SPRTN: variants seen among roughly 807,000 people sequenced by gnomAD.
SPRTN encodes DNA-dependent metalloprotease SPRTN.
Under a neutral mutation model 31.9 loss-of-function variants are expected in SPRTN, and 11 were observed. That is an observed-to-expected ratio of 0.34 (90% CI 0.22 to 0.57). SPRTN has a LOEUF of 0.57. Ranked by LOEUF, SPRTN falls within the 20% of genes least tolerant of loss-of-function variation. The pLI, the probability that SPRTN is intolerant of heterozygous loss-of-function variation, is 0.86. For synonymous variants in SPRTN, 185 were observed against 212.1 expected (o/e 0.87, Z 1.11); for missense variants, 482 against 590.1 (o/e 0.82, Z 1.90).
chr1:231,341,067 A>G (rs1558361629), intron 2 of SPRTN, among the ~76,000 whole-genome samples: 1 of 152,084 alleles, frequency 6.6e-6, no homozygotes, highest in Non-Finnish European at 1.5e-5. Flanking sequence ...GAAATACTTG[A>G]TTAATGAAAA....
intron 1 of SPRTN, 73 bp downstream of exon 1, chr1:231,338,677 CT>C: frequency 1.3e-6 from 2 of 1,571,730 alleles, no homozygotes; most frequent in Non-Finnish European, 1.7e-6. Context: ...CTGGTTTTCT[CT>C]CCTTTCTCTA....
In SPRTN at chr1:231,351,033, T is replaced by G. The variant is rs114458223; in HGVS notation, c.451-271T>G. ...CATGAAGATTTTCTGTGGTTTTGTTTTTAAAAGATTTTTTTGTCCTCTAAT... is the reference window on the plus strand; with the variant it reads ...CATGAAGATTTTCTGTGGTTTTGTTGTTAAAAGATTTTTTTGTCCTCTAAT... On this transcript the variant is annotated intron_variant, in intron 3 of 4. Coordinates refer to ENST00000295050, the MANE Select transcript of SPRTN (RefSeq NM_032018.7). Among the ~76,000 whole-genome samples, 492 of 152,134 alleles carry G rather than the reference T, an allele frequency of 3.2e-3. 2 individuals are homozygous for G. The highest frequency in any genetic ancestry group is 0.011 in the African/African-American group (471 of 41,536).
chr1:231,339,686 G>A, intron 1 of SPRTN, 83 bp from the exon 2 acceptor site: 1 of 1,355,688 alleles, frequency 7.4e-7, no homozygotes, highest in Non-Finnish European at 1.1e-6. Context: ...TGCCAACTGA[G>A]TTAGTGTGAA....
Position 231,339,558 on chromosome 1 carries a change from C to T in SPRTN, c.222-211C>T, listed in dbSNP as rs926805077. On this transcript the variant is annotated intron_variant, in intron 1 of 4. Coordinates refer to ENST00000295050, the MANE Select transcript of SPRTN (RefSeq NM_032018.7). ...GTGGTGAGAGCACGCTGCTTTCCTT[C>T]CTTGCCCGGCGGGGATCGGAGCCAT... 3 of 744,046 alleles carry T rather than the reference C, an allele frequency of 4.0e-6. No homozygotes were observed. The Admixed American group carries it at 6.2e-5, about 15-fold the overall frequency. 46.1% of individuals were successfully genotyped at this position (744,046 alleles called of 1,614,324 possible).
rs536759071 is a variant in SPRTN at position 231,342,362 on chromosome 1, A to G, written c.321+2494A>G. 2.8e-4 allele frequency among the ~76,000 whole-genome samples: 43 copies of G among 152,330 alleles called. No homozygotes were observed. The South Asian group carries it at 8.5e-3, about 30-fold the overall frequency. On this transcript the variant is annotated intron_variant, in intron 2 of 4. Transcript: ENST00000295050. ...AAGTTACAAAATGACATTTTCGTCA[A>G]TGACAGGCCCCATATATAACAGTGG...
At chr1:231,339,450 A>T (rs2102859310) in intron 1 of SPRTN, 1 of 564,764 alleles carries the variant, frequency 1.8e-6, no homozygotes, top group South Asian at 1.8e-5. Context: ...TCCGCATCGT[A>T]TTCCACTAGG....
intron 2 of SPRTN, among the ~76,000 whole-genome samples, chr1:231,344,210 C>G (rs557983727): frequency 6.6e-6 from 1 of 152,106 alleles, no homozygotes; most frequent in Non-Finnish European, 1.5e-5. Context: ...GAGTCTTCTT[C>G]GTTGAGCGGC....
In SPRTN at chr1:231,345,449, G is replaced by A. The variant is rs575584230; in HGVS notation, c.322-2348G>A. 7.2e-5 allele frequency among the ~76,000 whole-genome samples: 11 copies of A among 152,184 alleles called. No individual in the cohort carries two copies. The South Asian group carries it at 8.3e-4, about 11-fold the overall frequency. ...AGCCCCCTGTCTTTTTCATTAATAC[G>A]CTCTATAGCTTTCTCCAAACCATTT... On this transcript the variant is annotated intron_variant, in intron 2 of 4. Coordinates refer to ENST00000295050, the MANE Select transcript of SPRTN (RefSeq NM_032018.7).
Position 231,353,018 on chromosome 1 carries a change from A to G in SPRTN, c.1127A>G (p.Lys376Arg), listed in dbSNP as rs776554124. ...TCTCAGAGAAGGGTTTCATCTTCTA[A>G]GATATCCCTAAGAAATTCTTCAAAA... ...SSSQRRVSSS[K>R]ISLRNSSKVT... The change falls in exon 5 of 5, where the codon AAG (lysine) becomes AGG (arginine). Residue 376 changes from lysine (K) to arginine (R), a missense_variant. Around this residue, in one of 2 missense-constraint regions of SPRTN, gnomAD observed 325 missense variants for 350.2 expected, o/e 0.93. Coordinates refer to ENST00000295050, the MANE Select transcript of SPRTN (RefSeq NM_032018.7). 17 of 1,614,060 alleles carry G rather than the reference A, an allele frequency of 1.1e-5. No individual in the cohort carries two copies. In the South Asian group the frequency reaches 1.9e-4, roughly 18 times the overall value.
chr1:231,353,203 A>G lies in SPRTN; in HGVS notation c.1312A>G (p.Thr438Ala). 6.2e-7 allele frequency: 1 copy of G among 1,614,036 alleles called. No homozygotes were observed. The highest frequency in any genetic ancestry group is 1.3e-5 in the African/African-American group (1 of 75,044). Residue 438 changes from threonine to alanine, a missense_variant, in exon 5 of 5, where the codon ACA (threonine) becomes GCA (alanine). Around this residue, in one of 2 missense-constraint regions of SPRTN, gnomAD observed 325 missense variants for 350.2 expected, o/e 0.93. Coordinates refer to ENST00000295050, the MANE Select transcript of SPRTN (RefSeq NM_032018.7). The part of the protein sequence containing the change: ...KSSGNDPKYS[T>A]TTAQNSSSSS... ...CAGTGGTAATGATCCAAAGTATAGTACAACCACAGCTCAGAATTCCAGCAG... is the reference window on the plus strand; with the variant it reads ...CAGTGGTAATGATCCAAAGTATAGTGCAACCACAGCTCAGAATTCCAGCAG...
chr1:231,349,302 C>G (rs900576792), intron 3 of SPRTN, among the ~76,000 whole-genome samples: 8 of 152,084 alleles, frequency 5.3e-5, no homozygotes, highest in African/African-American at 1.2e-4. Flanking sequence ...TATTTTCTAG[C>G]TATCAGTTTT....
intron 2 of SPRTN, among the ~76,000 whole-genome samples, chr1:231,344,073 T>G (rs1402657533): frequency 6.6e-6 from 1 of 152,242 alleles, no homozygotes; most frequent in African/African-American, 2.4e-5. Context: ...CAAGATGTTT[T>G]TTAATGTTTA....
rs749616159 is a variant in SPRTN, at chr1:231,338,373, T to C, written c.-11T>C. The C allele has an allele frequency of 1.2e-6, 2 of 1,613,044 alleles. No individual in the cohort carries two copies. Among genetic ancestry groups the C allele is most frequent in the Non-Finnish European group, 1.7e-6 (2 of 1,179,180 alleles). Reference sequence around the variant, plus strand: ...TGACGCCGGCGGACCCCGCCTGTGATCCTGGCAACGATGGATGATGACTTG... The same window carrying C: ...TGACGCCGGCGGACCCCGCCTGTGACCCTGGCAACGATGGATGATGACTTG... On this transcript the variant is annotated 5_prime_UTR_variant, in exon 1 of 5. Transcript: ENST00000295050.
At chr1:231,346,152 A>G (rs1424470901) in intron 2 of SPRTN, among the ~76,000 whole-genome samples, 1 of 149,444 alleles carries the variant, frequency 6.7e-6, no homozygotes, top group Non-Finnish European at 1.5e-5. Flanking sequence ...CTCTTTTTAT[A>G]AATAAAGTTG....
At chr1:231,341,111 G>T (rs1686874831) in intron 2 of SPRTN, among the ~76,000 whole-genome samples, 1 of 151,686 alleles carries the variant, frequency 6.6e-6, no homozygotes, top group African/African-American at 2.4e-5. Context: ...AGAAAGGTAG[G>T]TGTAAACAAA....
intron 3 of SPRTN, among the ~76,000 whole-genome samples, chr1:231,350,935 G>A (rs907765599): frequency 1.3e-5 from 2 of 151,958 alleles, no homozygotes; most frequent in African/African-American, 4.8e-5. Flanking sequence ...TTTTAGTATG[G>A]TATTACATAA....
Position 231,354,444 on chromosome 1 carries a change from G to C in SPRTN, c.*1083G>C. ...CAGGTGCACAAATCTTAAGTGCACA[G>C]CTGGGTAAACTTTTACAGTGTTCAC... On this transcript the variant is annotated 3_prime_UTR_variant, in exon 5 of 5. Coordinates refer to ENST00000295050, the MANE Select transcript of SPRTN (RefSeq NM_032018.7). 1 of 947,104 alleles carries C rather than the reference G, an allele frequency of 1.1e-6. No individual in the cohort carries two copies. Among genetic ancestry groups the C allele is most frequent in the Non-Finnish European group, 1.3e-6 (1 of 794,994 alleles). The allele number at this position is 947,104 out of a possible 1,614,324, so 58.7% of individuals were successfully genotyped here. A position where few individuals can be genotyped will look rare whatever the true frequency, so the allele number is the denominator to read the frequency against.
At chr1:231,340,643 G>C (rs1254073391) in intron 2 of SPRTN, among the ~76,000 whole-genome samples, 1 of 152,102 alleles carries the variant, frequency 6.6e-6, no homozygotes. Flanking sequence ...GTGAGGGCAC[G>C]CTTCACATTT....
chr1:231,353,442 A>G lies in SPRTN; in HGVS notation c.*81A>G, dbSNP rs1687302496. On this transcript the variant is annotated 3_prime_UTR_variant, in exon 5 of 5. Coordinates refer to ENST00000295050, the MANE Select transcript of SPRTN (RefSeq NM_032018.7). ...AGCCAGTCAGGAAGTTCTGGTTAATACTAAGATTTGTAGGTTATAATCTAG... is the reference window on the plus strand; with the variant it reads ...AGCCAGTCAGGAAGTTCTGGTTAATGCTAAGATTTGTAGGTTATAATCTAG... 7 of 1,485,878 alleles carry G rather than the reference A, an allele frequency of 4.7e-6. No homozygotes were observed. In the East Asian group the frequency reaches 1.6e-4, roughly 34 times the overall value. The allele number at this position is 1,485,878 out of a possible 1,614,324, so 92.0% of individuals were successfully genotyped here. A position where few individuals can be genotyped will look rare whatever the true frequency, so the allele number is the denominator to read the frequency against.
Sources: gnomAD v4.1 joint callset for allele counts (sites outside exome capture counted in the v4.1 genomes callset) on GRCh38, gnomAD v4.1.1 for gene constraint, gnomAD v4.1.1 regional missense constraint, MANE v1.5 for transcripts, NCBI Gene and HGNC (gene_info 2026-07-23, HGNC 2026-07-21) for gene names.